Variants in ATP2B1 observed in about 807,000 individuals in gnomAD.
The protein encoded by ATP2B1 is plasma membrane calcium-transporting ATPase 1.
ATP2B1 carries 14 observed loss-of-function variants against 124.2 expected under a neutral mutation model. The observed-to-expected ratio is 0.11, with a 90% CI of 0.07 to 0.18. The LOEUF is 0.18. ATP2B1 is among the 10% of genes least tolerant of loss of function. ATP2B1 has a pLI of 1.00. For missense variants in ATP2B1, 763 were observed against 1,466.1 expected, an observed-to-expected ratio of 0.52 and a Z score of 7.83; for synonymous variants, 449 against 492.4, an observed-to-expected ratio of 0.91 and a Z score of 1.17.
In ATP2B1 at chr12:89,591,089, AT is replaced by A. The variant is rs768025980; in HGVS notation, c.3557del (p.Asn1186IlefsTer13). On this transcript the variant is annotated frameshift_variant, in exon 21 of 21. Transcript: ENST00000428670. LOFTEE classifies it high-confidence loss of function. ...GAATTCCACTGTCAACAGCATTGTT[AT>A]TTTTGTTGGGAGAGGGTGGAGGACT... ...NSSPPPSPNK[N>X]NNAVDSGIHL... is the part of the protein sequence containing the mutation. The A allele has an allele frequency of 6.2e-7, 1 of 1,613,208 alleles. No individual in the cohort carries two copies.
intron 11 of ATP2B1, 88 bp from the exon 12 acceptor site, chr12:89,617,127 T>G: frequency 3.1e-6 from 3 of 953,644 alleles, no homozygotes; most frequent in Non-Finnish European, 4.9e-6. Context: ...CTAGAAATCA[T>G]GGGATCTGAT....
At chr12:89,674,851 T>C (rs1337475323) in intron 1 of ATP2B1, among the ~76,000 whole-genome samples, 1 of 152,172 alleles carries the variant, frequency 6.6e-6, no homozygotes, top group Non-Finnish European at 1.5e-5. Flanking sequence ...AATCATCTAT[T>C]TGGAAAAGCA....
At chr12:89,632,392 T>G (rs1882013428) in intron 5 of ATP2B1, among the ~76,000 whole-genome samples, 1 of 152,224 alleles carries the variant, frequency 6.6e-6, no homozygotes, top group African/African-American at 2.4e-5. Flanking sequence ...TAAAAATCCA[T>G]ATTGATTATT....
chr12:89,687,491 G>A (rs1163625618), intron 1 of ATP2B1, among the ~76,000 whole-genome samples: 2 of 152,046 alleles, frequency 1.3e-5, no homozygotes, highest in Non-Finnish European at 2.9e-5. Flanking sequence ...TTTACATGAG[G>A]TACTTGAACA....
At chr12:89,643,240 G>A (rs970431806) in intron 2 of ATP2B1, among the ~76,000 whole-genome samples, 1 of 150,164 alleles carries the variant, frequency 6.7e-6, no homozygotes, top group East Asian at 1.9e-4. Flanking sequence ...GTATATATAT[G>A]TATATATACA....
At chr12:89,594,444 T>C (rs562273274) in intron 20 of ATP2B1, 48 of 152,058 alleles carry the variant, frequency 3.2e-4, no homozygotes, top group African/African-American at 1.1e-3. Context: ...GCCTATTTAT[T>C]TTATCCAGTT....
At chr12:89,637,458 C>T (rs1882880370) in intron 3 of ATP2B1, among the ~76,000 whole-genome samples, 1 of 150,382 alleles carries the variant, frequency 6.6e-6, no homozygotes, top group African/African-American at 2.4e-5. Context: ...GTTGCTCAGG[C>T]TGGAGTGCAG....
rs200972065 is a variant in ATP2B1, at chr12:89,621,675, G to C, written c.1461C>G (p.Val487=). The part of the protein sequence containing the change: ...TGTLTMNRMT[V]VQAYINEKHY... ...GTTTTTCATTTATGTAAGCTTGAACGACTGTCATTCTGTTCATTGTCAAAG... is the reference window on the plus strand; with the variant it reads ...GTTTTTCATTTATGTAAGCTTGAACCACTGTCATTCTGTTCATTGTCAAAG... Residue 487 remains valine, a synonymous_variant, in exon 10 of 21, where the codon GTC becomes GTG. Transcript: ENST00000428670. 6.2e-7 allele frequency: 1 copy of C among 1,611,504 alleles called. No individual in the cohort carries two copies. The highest frequency in any genetic ancestry group is 2.2e-5 in the East Asian group (1 of 44,676).
chr12:89,619,525 T>C (rs1879586660), intron 11 of ATP2B1, among the ~76,000 whole-genome samples: 1 of 149,094 alleles, frequency 6.7e-6, no homozygotes, highest in Non-Finnish European at 1.5e-5. Context: ...GGCAGGAGAA[T>C]CCCTTGAACC....
intron 1 of ATP2B1, among the ~76,000 whole-genome samples, chr12:89,705,865 T>C (rs745642390): frequency 2.0e-5 from 3 of 152,172 alleles, no homozygotes; most frequent in Non-Finnish European, 4.4e-5. Context: ...ATGCTTTACA[T>C]TGTCTATAGA....
intron 1 of ATP2B1, among the ~76,000 whole-genome samples, chr12:89,698,077 G>A (rs757778597): frequency 1.3e-5 from 2 of 151,938 alleles, no homozygotes; most frequent in Non-Finnish European, 2.9e-5. Context: ...CACCATTTTG[G>A]CCAGGCTGGT....
intron 3 of ATP2B1, among the ~76,000 whole-genome samples, chr12:89,640,625 G>GC (rs66786558): frequency 0.6 from 91,326 of 151,540 alleles, 28,057 homozygotes; most frequent in East Asian, 0.76. Flanking sequence ...GAGTTTGGAT[G>GC]TTTTTCCCCT....
chr12:89,611,615 G>A (rs1272176994), intron 12 of ATP2B1: 1 of 351,710 alleles, frequency 2.8e-6, no homozygotes. Flanking sequence ...CTACTAATTT[G>A]TTTGCAGTAT....
intron 2 of ATP2B1, among the ~76,000 whole-genome samples, chr12:89,646,264 G>A (rs975624015): frequency 6.6e-6 from 1 of 152,088 alleles, no homozygotes; most frequent in African/African-American, 2.4e-5. Context: ...GTAGACAGCT[G>A]GCTATCCATA....
intron 3 of ATP2B1, among the ~76,000 whole-genome samples, chr12:89,639,875 T>C (rs1448708493): frequency 1.3e-5 from 2 of 152,220 alleles, no homozygotes; most frequent in Non-Finnish European, 2.9e-5. Flanking sequence ...TTTTTTCTTT[T>C]GTTTTCTAAG....
intron 1 of ATP2B1, among the ~76,000 whole-genome samples, chr12:89,670,263 C>G (rs1179287246): frequency 6.6e-6 from 1 of 151,872 alleles, no homozygotes; most frequent in Non-Finnish European, 1.5e-5. Context: ...CCAACAGATT[C>G]TTTTCTAAAT....
At chr12:89,655,053 C>T (rs1334591811) in intron 2 of ATP2B1, among the ~76,000 whole-genome samples, 1 of 151,968 alleles carries the variant, frequency 6.6e-6, no homozygotes, top group Non-Finnish European at 1.5e-5. Context: ...CTTTTTGATT[C>T]TCAAAAGGAA....
intron 11 of ATP2B1, among the ~76,000 whole-genome samples, chr12:89,618,173 G>GA (rs1489787520): frequency 6.6e-6 from 1 of 151,626 alleles, no homozygotes. Context: ...ACTACTTGAA[G>GA]AAAAAAATAC....
Position 89,599,222 on chromosome 12 carries a change from A to G in ATP2B1, c.3246T>C (p.Pro1082=). 6.2e-7 allele frequency: 1 copy of G among 1,614,116 alleles called. No individual in the cohort carries two copies. ...CAACATCCTCTGCTAATTCCTCCTC[A>G]GGTATTTCTTCCTTTTGTGTTCCAT... ...AGHGTQKEEI[P]EEELAEDVEE... is the part of the protein sequence containing the mutation. The change falls in exon 20 of 21, where the codon CCT becomes CCC. Residue 1082 remains proline, a synonymous_variant. Coordinates refer to ENST00000428670, the MANE Select transcript of ATP2B1 (RefSeq NM_001366521.1).
Sources: gnomAD v4.1 joint callset for allele counts (sites outside exome capture counted in the v4.1 genomes callset) on GRCh38, gnomAD v4.1.1 for gene constraint, MANE v1.5 for transcripts, NCBI Gene and HGNC (gene_info 2026-07-23, HGNC 2026-07-21) for gene names.